The following OR10J1 variants were observed in gnomAD, a reference collection of about 807,000 sequenced individuals.
OR10J1 encodes the protein olfactory receptor family 10 subfamily J member 1.
For synonymous variants in OR10J1, 202 were observed against 143.8 expected (o/e 1.40, Z -2.89); for missense variants, 474 against 376.6 (o/e 1.26, Z -2.14).
the OR10J1 span, among the ~76,000 whole-genome samples, chr1:159,421,879 A>C: frequency 6.6e-6 from 1 of 152,094 alleles, no homozygotes; most frequent in South Asian, 2.1e-4. Context: ...GCTCCAGGTG[A>C]CTTGCTTGGG....
At chr1:159,403,464 G>A in the OR10J1 span, among the ~76,000 whole-genome samples, 1 of 152,104 alleles carries the variant, frequency 6.6e-6, no homozygotes, top group East Asian at 1.9e-4. Context: ...GATTTGAATA[G>A]ACATTTCTCA....
At chr1:159,429,684 C>G in the OR10J1 span, among the ~76,000 whole-genome samples, 2 of 152,064 alleles carry the variant, frequency 1.3e-5, no homozygotes, top group African/African-American at 4.8e-5. Context: ...GGAGAGGGAC[C>G]CCAGAGTCCT....
the OR10J1 span, among the ~76,000 whole-genome samples, chr1:159,404,391 C>T: frequency 2.0e-5 from 3 of 151,942 alleles, no homozygotes; most frequent in Admixed American, 6.6e-5. Flanking sequence ...TTCCAGTATC[C>T]TTTTTCACAC....
chr1:159,412,252 G>C, the OR10J1 span, among the ~76,000 whole-genome samples: 1 of 151,630 alleles, frequency 6.6e-6, no homozygotes, highest in African/African-American at 2.4e-5. Flanking sequence ...CGTGAAAAAG[G>C]CCATACTGCC....
chr1:159,425,736 G>T, the OR10J1 span, among the ~76,000 whole-genome samples: 1 of 152,072 alleles, frequency 6.6e-6, no homozygotes, highest in South Asian at 2.1e-4. Flanking sequence ...GTATGTGGGT[G>T]TGTTTGTGTT....
At chr1:159,423,024 G>A in the OR10J1 span, among the ~76,000 whole-genome samples, 2,704 of 152,186 alleles carry the variant, frequency 0.018, 30 homozygotes, top group Non-Finnish European at 0.026. Context: ...GTTCCTCTCC[G>A]TGGAAGAGGT....
the OR10J1 span, chr1:159,432,826 T>G: frequency 2.5e-6 from 1 of 405,876 alleles, no homozygotes; most frequent in Admixed American, 4.3e-5. Flanking sequence ...TCTGTGTCCT[T>G]GTTCTGCCCA....
At chr1:159,408,551 C>A in the OR10J1 span, among the ~76,000 whole-genome samples, 69 of 151,512 alleles carry the variant, frequency 4.6e-4, no homozygotes, top group African/African-American at 1.7e-3. Flanking sequence ...ACCAGCATGG[C>A]ACATGTATAC....
the OR10J1 span, among the ~76,000 whole-genome samples, chr1:159,401,678 C>T: frequency 6.6e-6 from 1 of 151,878 alleles, no homozygotes; most frequent in African/African-American, 2.4e-5. Flanking sequence ...ATTTAAAAAA[C>T]TAATACCAAT....
rs1264476314 is a variant in OR10J1, at chr1:159,440,566, C to T, written c.775C>T (p.Leu259Phe). 6.2e-7 allele frequency: 1 copy of T among 1,614,054 alleles called. No homozygotes were observed. Among genetic ancestry groups the T allele is most frequent in the Non-Finnish European group, 8.5e-7 (1 of 1,179,998 alleles). Residue 259 changes from leucine to phenylalanine, a missense_variant, in exon 1 of 1, where the codon CTC (leucine) becomes TTC (phenylalanine). Transcript: ENST00000423932. Reference sequence around the variant, plus strand: ...CTACAGCTGTGCCTCCATTGCCTACCTCAAGCCCAAGTCAGAGAACACCAG... The same window carrying T: ...CTACAGCTGTGCCTCCATTGCCTACTTCAAGCCCAAGTCAGAGAACACCAG... The part of the protein sequence containing the change: ...VHYSCASIAY[L>F]KPKSENTREH...
chr1:159,435,881 T>C (rs1281524112), upstream of OR10J1, among the ~76,000 whole-genome samples: 1 of 152,212 alleles, frequency 6.6e-6, no homozygotes, highest in African/African-American at 2.4e-5. Context: ...TCACTCCACA[T>C]GTGTTCATTT....
the OR10J1 span, among the ~76,000 whole-genome samples, chr1:159,424,205 G>A: frequency 1.4e-5 from 2 of 143,114 alleles, no homozygotes; most frequent in Non-Finnish European, 1.5e-5. Context: ...GACAGAGCAA[G>A]ACTCCATCTC....
chr1:159,400,176 C>A, the OR10J1 span, among the ~76,000 whole-genome samples: 5 of 151,584 alleles, frequency 3.3e-5, no homozygotes, highest in South Asian at 8.3e-4. Flanking sequence ...GCACATGTAC[C>A]CTAAAACTTA....
chr1:159,432,124 C>T, the OR10J1 span: 289 of 399,674 alleles, frequency 7.2e-4, no homozygotes, highest in Non-Finnish European at 1.0e-3. Flanking sequence ...TGGCTGATGA[C>T]GATCCTGGAC....
At chr1:159,423,945 G>A in the OR10J1 span, among the ~76,000 whole-genome samples, 1 of 152,138 alleles carries the variant, frequency 6.6e-6, no homozygotes, top group Non-Finnish European at 1.5e-5. Context: ...AACATTAAAA[G>A]CCACACTACA....
At chr1:159,400,761 C>A in the OR10J1 span, among the ~76,000 whole-genome samples, 1 of 151,742 alleles carries the variant, frequency 6.6e-6, no homozygotes, top group Admixed American at 6.6e-5. Flanking sequence ...GCACTATAGA[C>A]CAAATAGACC....
the OR10J1 span, chr1:159,406,329 G>C: frequency 6.1e-6 from 3 of 493,026 alleles, no homozygotes; most frequent in Admixed American, 2.1e-5. Context: ...AACCTTCAAA[G>C]AAGAGCTCAG....
chr1:159,432,967 T>C (rs886366243), upstream of OR10J1: 9 of 432,528 alleles, frequency 2.1e-5, no homozygotes, highest in African/African-American at 4.0e-5. Flanking sequence ...ACTATGGCCG[T>C]ACTTCTTTCA....
chr1:159,412,376 C>A, the OR10J1 span, among the ~76,000 whole-genome samples: 1 of 140,322 alleles, frequency 7.1e-6, no homozygotes, highest in Non-Finnish European at 1.6e-5. Context: ...CCCGCATCGC[C>A]AAGTCAATCC....
Sources: gnomAD v4.1 joint callset for allele counts (sites outside exome capture counted in the v4.1 genomes callset) on GRCh38, gnomAD v4.1.1 for gene constraint, MANE v1.5 for transcripts, NCBI Gene and HGNC (gene_info 2026-07-23, HGNC 2026-07-21) for gene names.